AHCYL2: variants seen among roughly 807,000 people sequenced by gnomAD.
AHCYL2 encodes S-adenosylhomocysteine hydrolase-like protein 2.
AHCYL2 carries 28 observed loss-of-function variants against 81.4 expected under a neutral mutation model. The observed-to-expected ratio is 0.34, with a 90% CI of 0.25 to 0.47. The LOEUF is 0.47. AHCYL2 is among the 20% of genes least tolerant of loss of function. AHCYL2 has a pLI of 1.00. For missense variants in AHCYL2, 551 were observed against 785.1 expected, an observed-to-expected ratio of 0.70 and a Z score of 3.56; for synonymous variants, 272 against 290.2, an observed-to-expected ratio of 0.94 and a Z score of 0.64.
At chr7:129,362,167 T>A (rs78438650) in intron 1 of AHCYL2, among the ~76,000 whole-genome samples, 4,067 of 152,214 alleles carry the variant, frequency 0.027, 215 homozygotes, top group East Asian at 0.17. Context: ...TATCCTGATT[T>A]ACAGACAAAG....
chr7:129,352,043 ATTTT>A (rs11323551), intron 1 of AHCYL2, among the ~76,000 whole-genome samples: 1 of 151,670 alleles, frequency 6.6e-6, no homozygotes, highest in Admixed American at 6.6e-5. Flanking sequence ...CTGGAGTATA[ATTTT>A]TTTTTTAATG....
At chr7:129,411,175 A>G (rs1414497875) in intron 11 of AHCYL2, among the ~76,000 whole-genome samples, 1 of 152,276 alleles carries the variant, frequency 6.6e-6, no homozygotes, top group South Asian at 2.1e-4. Context: ...AGTTTGTACA[A>G]CCATCACCAC....
At chr7:129,283,985 A>C (rs1041902434) in intron 1 of AHCYL2, among the ~76,000 whole-genome samples, 6 of 152,180 alleles carry the variant, frequency 3.9e-5, no homozygotes, top group Non-Finnish European at 7.3e-5. Flanking sequence ...ACCTTTCTAC[A>C]ATGGAGTCAT....
chr7:129,319,620 T>G (rs767328938), intron 1 of AHCYL2, among the ~76,000 whole-genome samples: 7 of 152,210 alleles, frequency 4.6e-5, no homozygotes, highest in Admixed American at 6.5e-5. Flanking sequence ...TGTTGGCAAT[T>G]ACTTATCTGC....
At chr7:129,235,985 A>G (rs960395801) in intron 1 of AHCYL2, among the ~76,000 whole-genome samples, 6 of 149,530 alleles carry the variant, frequency 4.0e-5, no homozygotes, top group Admixed American at 1.3e-4. Flanking sequence ...TCTAGGATCA[A>G]TATCTAAAAT....
chr7:129,229,484 C>T (rs1345691397), intron 1 of AHCYL2, among the ~76,000 whole-genome samples: 1 of 149,706 alleles, frequency 6.7e-6, no homozygotes, highest in Non-Finnish European at 1.5e-5. Context: ...AGTGCCTTGC[C>T]CAAGGTTATA....
chr7:129,283,600 C>T (rs914402216), intron 1 of AHCYL2, among the ~76,000 whole-genome samples: 3 of 152,244 alleles, frequency 2.0e-5, no homozygotes, highest in African/African-American at 7.2e-5. Context: ...GTTTCACCTT[C>T]TTCTCTTCCA....
Position 129,427,288 on chromosome 7 carries a change from T to TG in AHCYL2, c.*247dup, listed in dbSNP as rs1217849888. On this transcript the variant is annotated 3_prime_UTR_variant, in exon 17 of 17. Coordinates refer to ENST00000325006, the MANE Select transcript of AHCYL2 (RefSeq NM_015328.4). The surrounding 1 kb of genome is among the most constrained non-coding windows in gnomAD (Gnocchi z 5.5). ...AGGATGGGCTGAGGAAGGAAAGAAATGGGGTTACTGCTCCCAGTGCATCAT... is the reference window on the plus strand; with the variant it reads ...AGGATGGGCTGAGGAAGGAAAGAAATGGGGGTTACTGCTCCCAGTGCATCAT... The TG allele has an allele frequency of 6.5e-6, 3 of 460,116 alleles. No individual in the cohort carries two copies. The highest frequency in any genetic ancestry group is 6.1e-5 in the African/African-American group (3 of 49,420). 28.5% of individuals were successfully genotyped at this position (460,116 alleles called of 1,614,324 possible).
rs183412943 is a variant in AHCYL2 at position 129,320,878 on chromosome 7, A to G, written c.364-58760A>G. ...TCATATAAATGGAATCATACAATGT[A>G]TGATCTTTTGTGTCTGGCTTCTTTG... On this transcript the variant is annotated intron_variant, in intron 1 of 16. Coordinates refer to ENST00000325006, the MANE Select transcript of AHCYL2 (RefSeq NM_015328.4). Among the ~76,000 whole-genome samples, 6 of 152,322 alleles carry G rather than the reference A, an allele frequency of 3.9e-5. No homozygotes were observed. The East Asian group carries it at 1.2e-3, about 29-fold the overall frequency.
At chr7:129,324,073 A>C (rs571636515) in intron 1 of AHCYL2, among the ~76,000 whole-genome samples, 108 of 126,474 alleles carry the variant, frequency 8.5e-4, no homozygotes, top group African/African-American at 2.9e-3. Context: ...GATTTTGTAG[A>C]TTTTTGTAGA....
chr7:129,303,047 C>G (rs1347901618), intron 1 of AHCYL2, among the ~76,000 whole-genome samples: 1 of 152,180 alleles, frequency 6.6e-6, no homozygotes, highest in Non-Finnish European at 1.5e-5. Flanking sequence ...GTTGCCCAGG[C>G]TGGAGTGCAA....
intron 12 of AHCYL2, among the ~76,000 whole-genome samples, chr7:129,420,477 C>CT (rs11414828): frequency 0.22 from 27,671 of 126,814 alleles, 3,807 homozygotes; most frequent in Non-Finnish European, 0.3. Flanking sequence ...TGCTTAAATT[C>CT]TTTTTTTTTT....
At chr7:129,341,080 A>G (rs1414573953) in intron 1 of AHCYL2, among the ~76,000 whole-genome samples, 7 of 152,220 alleles carry the variant, frequency 4.6e-5, no homozygotes, top group Non-Finnish European at 8.8e-5. Context: ...TAACAAGAGA[A>G]AAACAAAGTT....
At chr7:129,350,384 CTT>C (rs566590118) in intron 1 of AHCYL2, among the ~76,000 whole-genome samples, 50 of 139,874 alleles carry the variant, frequency 3.6e-4, no homozygotes, top group Non-Finnish European at 3.0e-4. Context: ...TAAATGTAGT[CTT>C]TTTTTTTTTT....
chr7:129,276,112 A>G (rs1796190196), intron 1 of AHCYL2, among the ~76,000 whole-genome samples: 2 of 152,166 alleles, frequency 1.3e-5, no homozygotes, highest in South Asian at 4.1e-4. Context: ...ATTTAAAAGC[A>G]TACTTCTAAG....
At chr7:129,395,316 T>G (rs746461893) in intron 4 of AHCYL2, among the ~76,000 whole-genome samples, 12 of 152,164 alleles carry the variant, frequency 7.9e-5, no homozygotes, top group Non-Finnish European at 1.3e-4. Context: ...AAGCACACGG[T>G]GAGGGCAAGT....
At chr7:129,348,737 T>C (rs2150826522) in intron 1 of AHCYL2, among the ~76,000 whole-genome samples, 1 of 152,270 alleles carries the variant, frequency 6.6e-6, no homozygotes, top group East Asian at 1.9e-4. Context: ...GTTCCATAAT[T>C]GCTGTTTGGA....
At chr7:129,277,466 G>C (rs529544142) in intron 1 of AHCYL2, among the ~76,000 whole-genome samples, 1 of 152,026 alleles carries the variant, frequency 6.6e-6, no homozygotes, top group Non-Finnish European at 1.5e-5. Context: ...TTTTAGTGGA[G>C]ACAGGGTTTT....
chr7:129,271,359 CAAAAAAAAAAAA>C (rs3042852), intron 1 of AHCYL2, among the ~76,000 whole-genome samples: 1 of 86,824 alleles, frequency 1.2e-5, no homozygotes, highest in African/African-American at 4.2e-5. Flanking sequence ...AGACTGTCTC[CAAAAAAAAAAAA>C]AAAAAAAAGA....
Sources: gnomAD v4.1 joint callset for allele counts (sites outside exome capture counted in the v4.1 genomes callset) on GRCh38, gnomAD v4.1.1 for gene constraint, Gnocchi (gnomAD v3.1) non-coding constraint, MANE v1.5 for transcripts, NCBI Gene and HGNC (gene_info 2026-07-23, HGNC 2026-07-21) for gene names.